ADD2: variants seen among roughly 807,000 people sequenced by gnomAD.
ADD2 encodes adducin 2.
In ADD2, 23 loss-of-function variants were observed where a neutral mutation model predicts 83.0. The observed-to-expected ratio is 0.28, with a 90% CI of 0.20 to 0.39. The LOEUF is 0.39. Ranked by LOEUF, ADD2 falls within the 10% of genes least tolerant of loss-of-function variation. The pLI, the probability that ADD2 is intolerant of heterozygous loss-of-function variation, is 1.00. For synonymous variants in ADD2, 375 were observed against 375.4 expected (o/e 1.00, Z 0.01); for missense variants, 758 against 944.9 (o/e 0.80, Z 2.59).
At chr2:70,745,997 G>A (rs1674173276) in intron 1 of ADD2, among the ~76,000 whole-genome samples, 1 of 152,170 alleles carries the variant, frequency 6.6e-6, no homozygotes, top group Non-Finnish European at 1.5e-5. Context: ...GAAATGACAG[G>A]GAAAAGTTGT....
At chr2:70,765,788 C>T (rs1230630638) in intron 1 of ADD2, among the ~76,000 whole-genome samples, 3 of 152,326 alleles carry the variant, frequency 2.0e-5, no homozygotes, top group African/African-American at 7.2e-5. Context: ...ATCAGCCTCA[C>T]GCTTAAGACC....
intron 14 of ADD2, chr2:70,673,283 G>A (rs1553367502): frequency 1.9e-6 from 3 of 1,613,936 alleles, no homozygotes; most frequent in Admixed American, 1.7e-5. Flanking sequence ...TGAAGAACTC[G>A]CACACGGCCG....
chr2:70,732,569 C>T (rs1328009423), intron 1 of ADD2, among the ~76,000 whole-genome samples: 4 of 152,168 alleles, frequency 2.6e-5, no homozygotes, highest in South Asian at 2.1e-4. Context: ...GGTCTGGTCC[C>T]GGATCTCCCT....
intron 1 of ADD2, among the ~76,000 whole-genome samples, chr2:70,758,653 A>T (rs1188016180): frequency 6.6e-6 from 1 of 152,210 alleles, no homozygotes; most frequent in African/African-American, 2.4e-5. Flanking sequence ...TAAAAAAAAT[A>T]AGCCAGGCAT....
intron 1 of ADD2, among the ~76,000 whole-genome samples, chr2:70,766,874 G>C (rs1309174595): frequency 6.6e-6 from 1 of 152,190 alleles, no homozygotes; most frequent in African/African-American, 2.4e-5. Context: ...AAACAGATGG[G>C]TATTAATCAT....
chr2:70,682,344 T>G (rs1574235671), intron 10 of ADD2, among the ~76,000 whole-genome samples: 1 of 152,330 alleles, frequency 6.6e-6, no homozygotes, highest in East Asian at 1.9e-4. Flanking sequence ...CTAGTCGCGG[T>G]GCTTTCTTTA....
chr2:70,721,361 C>T (rs1672720782), intron 1 of ADD2, among the ~76,000 whole-genome samples: 1 of 152,172 alleles, frequency 6.6e-6, no homozygotes, highest in South Asian at 2.1e-4. Flanking sequence ...TTAGTCTATT[C>T]TCCCCCCATG....
intron 4 of ADD2, among the ~76,000 whole-genome samples, chr2:70,702,516 C>T (rs1444506669): frequency 6.6e-6 from 1 of 152,068 alleles, no homozygotes; most frequent in Non-Finnish European, 1.5e-5. Context: ...GGAAAATTGA[C>T]AAATGCATAA....
At chr2:70,758,626 C>T (rs114485021) in intron 1 of ADD2, among the ~76,000 whole-genome samples, 12 of 152,002 alleles carry the variant, frequency 7.9e-5, no homozygotes, top group African/African-American at 2.7e-4. Flanking sequence ...AGTGAGACCT[C>T]GTCTCTACCA....
chr2:70,695,071 T>C (rs1392547256), intron 6 of ADD2, among the ~76,000 whole-genome samples: 1 of 151,588 alleles, frequency 6.6e-6, no homozygotes, highest in African/African-American at 2.4e-5. Context: ...TTGCTGAGCC[T>C]GGACTTTTGA....
intron 1 of ADD2, among the ~76,000 whole-genome samples, chr2:70,731,422 G>A (rs572558921): frequency 6.6e-6 from 1 of 152,286 alleles, no homozygotes; most frequent in Non-Finnish European, 1.5e-5. Context: ...TTAGGAGAAA[G>A]TTCATTGGGG....
chr2:70,718,269 T>G (rs1417015441), intron 1 of ADD2, among the ~76,000 whole-genome samples: 1 of 152,208 alleles, frequency 6.6e-6, no homozygotes, highest in East Asian at 1.9e-4. Flanking sequence ...AAATAAACAG[T>G]TATTTGTCAA....
intron 1 of ADD2, among the ~76,000 whole-genome samples, chr2:70,765,210 G>A (rs371770103): frequency 2.0e-5 from 3 of 151,964 alleles, no homozygotes; most frequent in South Asian, 2.1e-4. Context: ...AAAATTAGCC[G>A]GGCGTGGTGA....
rs782796185 is a variant in ADD2, at chr2:70,692,393, G to C, written c.705+10C>G. On this transcript the variant is annotated intron_variant, in intron 7 of 15. Coordinates refer to ENST00000264436, the MANE Select transcript of ADD2 (RefSeq NM_001617.4). ...TCTTTCCTTGGGTGGCTGAGAAGGA[G>C]TCCACTCACCGCTGCTGTGGCCGGT... is the stretch of plus-strand genomic sequence containing the variant. 1 of 1,533,566 alleles carries C rather than the reference G, an allele frequency of 6.5e-7. No individual in the cohort carries two copies. The highest frequency in any genetic ancestry group is 2.1e-5 in the Admixed American group (1 of 48,428). 95.0% of individuals were successfully genotyped at this position (1,533,566 alleles called of 1,614,324 possible).
chr2:70,756,755 G>C (rs556199598), intron 1 of ADD2, among the ~76,000 whole-genome samples: 1 of 152,302 alleles, frequency 6.6e-6, no homozygotes, highest in Admixed American at 6.5e-5. Flanking sequence ...ATTGTCTGGA[G>C]TTGTGGGGAT....
At chr2:70,727,476 G>T (rs951650072) in intron 1 of ADD2, among the ~76,000 whole-genome samples, 3 of 151,956 alleles carry the variant, frequency 2.0e-5, no homozygotes, top group Non-Finnish European at 2.9e-5. Context: ...ACTCATCTCT[G>T]TAGATGAGTC....
At chr2:70,711,107 C>T (rs544261932) in intron 2 of ADD2, 2 of 152,128 alleles carry the variant, frequency 1.3e-5, no homozygotes, top group Non-Finnish European at 2.9e-5. Flanking sequence ...ACAGGTCAAC[C>T]TCGATATCAC....
chr2:70,685,132 G>A (rs1553370318), intron 9 of ADD2, among the ~76,000 whole-genome samples: 1 of 152,112 alleles, frequency 6.6e-6, no homozygotes, highest in Non-Finnish European at 1.5e-5. Flanking sequence ...GATATCCCAT[G>A]TTAGCCTGCT....
intron 1 of ADD2, among the ~76,000 whole-genome samples, chr2:70,748,645 C>T (rs1235319132): frequency 6.6e-6 from 1 of 152,200 alleles, no homozygotes; most frequent in African/African-American, 2.4e-5. Flanking sequence ...ACAAGGTCCT[C>T]TGAGCCACTC....
Sources: allele counts gnomAD v4.1 joint callset (sites outside exome capture counted in the v4.1 genomes callset), GRCh38; gene constraint gnomAD v4.1.1; transcripts MANE v1.5; gene names NCBI Gene and HGNC (gene_info 2026-07-23, HGNC 2026-07-21).